Variants in RALYL observed in about 807,000 individuals in gnomAD.
RALYL encodes the protein RNA-binding Raly-like protein.
In RALYL, 29 loss-of-function variants were observed where a neutral mutation model predicts 35.1. The observed-to-expected ratio is 0.83, with a 90% CI of 0.61 to 1.13. The LOEUF (loss-of-function observed/expected upper bound fraction) is 1.13. RALYL is among the 50% of genes most tolerant of loss of function. The pLI is 0.00. For synonymous variants in RALYL, 120 were observed against 127.6 expected (o/e 0.94, Z 0.40); for missense variants, 359 against 360.4 (o/e 1.00, Z 0.03).
At chr8:84,609,404 G>T (rs1817817012) in intron 2 of RALYL, among the ~76,000 whole-genome samples, 1 of 152,134 alleles carries the variant, frequency 6.6e-6, no homozygotes, top group Admixed American at 6.6e-5. Context: ...TACCATTGGT[G>T]CTACCTCATA....
intron 2 of RALYL, among the ~76,000 whole-genome samples, chr8:84,616,810 G>T (rs1419541849): frequency 6.6e-6 from 1 of 151,848 alleles, no homozygotes; most frequent in East Asian, 1.9e-4. Flanking sequence ...TTCTACATAT[G>T]CCTAGTCAGT....
intron 1 of RALYL, among the ~76,000 whole-genome samples, chr8:84,356,039 C>G (rs1851768063): frequency 6.7e-6 from 1 of 149,872 alleles, no homozygotes; most frequent in South Asian, 2.1e-4. Flanking sequence ...TGTGGCACTT[C>G]CCCCCTTCAC....
At chr8:84,728,065 G>A (rs1285100123) in intron 2 of RALYL, among the ~76,000 whole-genome samples, 5 of 151,726 alleles carry the variant, frequency 3.3e-5, no homozygotes, top group African/African-American at 1.2e-4. Context: ...TTCCACAAGG[G>A]TTGAACTAGT....
rs566965265 is a variant in RALYL, at chr8:84,463,029, G to C, written c.-23-66270G>C. On this transcript the variant is annotated intron_variant, in intron 1 of 8. Transcript: ENST00000521268. ...CTGAAGCTAAAAGTACTATATCCTGGTTCATCCTTTTGAGAAATATACAAA... is the reference window on the plus strand; with the variant it reads ...CTGAAGCTAAAAGTACTATATCCTGCTTCATCCTTTTGAGAAATATACAAA... Among the ~76,000 whole-genome samples the C allele has an allele frequency of 1.2e-3, 185 of 151,892 alleles. 2 individuals are homozygous for C. The highest frequency in any genetic ancestry group is 3.4e-3 in the Middle Eastern group (1 of 294).
intron 4 of RALYL, among the ~76,000 whole-genome samples, chr8:84,818,704 A>G (rs1827879974): frequency 6.6e-6 from 1 of 152,224 alleles, no homozygotes; most frequent in Non-Finnish European, 1.5e-5. Flanking sequence ...TTTGCTTTCA[A>G]CTGAAGAGTG....
At chr8:84,566,148 T>C (rs187217489) in intron 2 of RALYL, among the ~76,000 whole-genome samples, 2 of 151,680 alleles carry the variant, frequency 1.3e-5, no homozygotes, top group East Asian at 1.9e-4. Flanking sequence ...GAAAGAATGA[T>C]GATCTTGAAT....
chr8:84,584,805 A>G (rs965098478), intron 2 of RALYL, among the ~76,000 whole-genome samples: 6 of 152,176 alleles, frequency 3.9e-5, no homozygotes, highest in African/African-American at 1.2e-4. Flanking sequence ...AGTTGAGAAA[A>G]AAAGAAAATG....
intron 1 of RALYL, among the ~76,000 whole-genome samples, chr8:84,497,627 GTTGTTT>G (rs774895503): frequency 5.7e-4 from 78 of 135,682 alleles, no homozygotes; most frequent in Non-Finnish European, 6.0e-4. Flanking sequence ...TGTTTTTTTT[GTTGTTT>G]TTGTTTTTGT....
chr8:84,327,016 A>C (rs1212585062), intron 1 of RALYL, among the ~76,000 whole-genome samples: 4 of 152,206 alleles, frequency 2.6e-5, no homozygotes, highest in African/African-American at 9.6e-5. Flanking sequence ...CTGTGGTCCT[A>C]TTCCAAAAAC....
intron 2 of RALYL, among the ~76,000 whole-genome samples, chr8:84,694,913 A>T (rs1045694282): frequency 3.3e-5 from 5 of 151,838 alleles, no homozygotes; most frequent in Admixed American, 2.6e-4. Context: ...ACTTGTCATT[A>T]TTCTAAGCAC....
rs563590781 is a variant in RALYL, at chr8:84,310,814, G to A, written c.-24+126390G>A. Among the ~76,000 whole-genome samples, 124 of 137,996 alleles carry A rather than the reference G, an allele frequency of 9.0e-4. 6 individuals are homozygous for A. The South Asian group carries it at 0.022, about 25-fold the overall frequency. 90.5% of individuals were successfully genotyped at this position (137,996 alleles called of 152,430 possible). A position where few individuals can be genotyped will look rare whatever the true frequency, so the allele number is the denominator to read the frequency against. ...TGTAATCCCAGCACTTTGGGAGGCC[G>A]AGGCGGGTGGATCATGAGGTCAGGA... is the stretch of plus-strand genomic sequence containing the variant. On this transcript the variant is annotated intron_variant, in intron 1 of 8. Coordinates refer to ENST00000521268, the MANE Select transcript of RALYL (RefSeq NM_173848.7).
At chr8:84,375,718 A>G (rs73298724) in intron 1 of RALYL, among the ~76,000 whole-genome samples, 4,487 of 151,950 alleles carry the variant, frequency 0.03, 215 homozygotes, top group African/African-American at 0.1. Flanking sequence ...AAGTAATAAT[A>G]AGCATTCAAC....
intron 1 of RALYL, among the ~76,000 whole-genome samples, chr8:84,269,209 G>A (rs1833859421): frequency 6.6e-6 from 1 of 152,054 alleles, no homozygotes; most frequent in African/African-American, 2.4e-5. Context: ...TGACTCCACT[G>A]CATAATGATA....
At chr8:84,668,835 T>A (rs1038707964) in intron 2 of RALYL, among the ~76,000 whole-genome samples, 3 of 152,060 alleles carry the variant, frequency 2.0e-5, no homozygotes, top group Admixed American at 6.6e-5. Context: ...AGGATTTTTT[T>A]AAAAATCACA....
intron 1 of RALYL, among the ~76,000 whole-genome samples, chr8:84,261,461 C>T (rs1832294668): frequency 6.6e-6 from 1 of 152,146 alleles, no homozygotes; most frequent in African/African-American, 2.4e-5. Flanking sequence ...CTTCTCCTTG[C>T]ATCTACCATA....
chr8:84,788,467 C>T (rs2718978), intron 3 of RALYL, among the ~76,000 whole-genome samples: 47,854 of 151,972 alleles, frequency 0.31, 8,740 homozygotes, highest in African/African-American at 0.5. Flanking sequence ...TAAAATTAGA[C>T]ATTTTCAGTG....
chr8:84,480,517 G>A (rs1442295616), intron 1 of RALYL, among the ~76,000 whole-genome samples: 1 of 152,130 alleles, frequency 6.6e-6, no homozygotes, highest in Non-Finnish European at 1.5e-5. Context: ...ATTCTAAATT[G>A]GATAGAGCAA....
chr8:84,752,029 A>G (rs577007155), intron 2 of RALYL, among the ~76,000 whole-genome samples: 1 of 152,326 alleles, frequency 6.6e-6, no homozygotes, highest in African/African-American at 2.4e-5. Context: ...AACAGAAGAC[A>G]GGAAGATGAG....
intron 2 of RALYL, among the ~76,000 whole-genome samples, chr8:84,645,226 GT>G (rs1827233267): frequency 6.6e-6 from 1 of 151,700 alleles, no homozygotes; most frequent in Non-Finnish European, 1.5e-5. Context: ...TTTTTACTGT[GT>G]TTTCCCCCCA....
Sources: allele counts gnomAD v4.1 joint callset (sites outside exome capture counted in the v4.1 genomes callset), GRCh38; gene constraint gnomAD v4.1.1; transcripts MANE v1.5; gene names NCBI Gene and HGNC (gene_info 2026-07-23, HGNC 2026-07-21).